CASD1: variants seen among roughly 807,000 people sequenced by gnomAD.
CASD1 encodes the protein CAS1 domain sialic acid O acetyltransferase 1, also known as N-acetylneuraminate (7)9-O-acetyltransferase.
A neutral mutation model predicts 100.0 loss-of-function variants in CASD1; 41 were observed. The ratio of observed to expected loss-of-function variants is 0.41; its 90% CI spans 0.32 to 0.53. CASD1 has a LOEUF of 0.53. CASD1 is among the 20% of genes least tolerant of loss of function. The probability of loss-of-function intolerance (pLI) is 0.25; values close to 1 mark genes in which losing one functional copy is unlikely to be tolerated. For synonymous variants in CASD1, 321 were observed against 315.6 expected (o/e 1.02, Z -0.18); for missense variants, 774 against 948.7 (o/e 0.82, Z 2.42).
At position 94,510,001 on chromosome 7, in the gene CASD1, C is replaced by A; in HGVS notation, c.-84C>A. The A allele has an allele frequency of 7.7e-7, 1 of 1,296,098 alleles. No homozygotes were observed. Among genetic ancestry groups the A allele is most frequent in the Non-Finnish European group, 9.9e-7 (1 of 1,008,860 alleles). The allele number at this position is 1,296,098 out of a possible 1,614,324, so 80.3% of individuals were successfully genotyped here. A position where few individuals can be genotyped will look rare whatever the true frequency, so the allele number is the denominator to read the frequency against. ...GAGCTGGCGGCCGCTCCTCGCCTGG[C>A]TGCAGCGGCGGCAGCCCCAGTGCTG... is the stretch of plus-strand genomic sequence containing the variant. On this transcript the variant is annotated 5_prime_UTR_variant, in exon 1 of 18. The change creates a new upstream start codon in the 5' untranslated region. Coordinates refer to ENST00000297273, the MANE Select transcript of CASD1 (RefSeq NM_022900.5).
chr7:94,587,583 A>T, the CASD1 span: 6 of 1,375,320 alleles, frequency 4.4e-6, no homozygotes, highest in Middle Eastern at 2.7e-4. Context: ...TCTTTAGGTG[A>T]CTCATTTTTA....
At chr7:94,597,063 G>A in the CASD1 span, among the ~76,000 whole-genome samples, 1 of 151,946 alleles carries the variant, frequency 6.6e-6, no homozygotes, top group African/African-American at 2.4e-5. Flanking sequence ...GGTAAACTGG[G>A]TTTTATGATG....
chr7:94,567,435 G>A, the CASD1 span, among the ~76,000 whole-genome samples: 4 of 152,160 alleles, frequency 2.6e-5, no homozygotes, highest in African/African-American at 7.2e-5. Flanking sequence ...ACATATTATT[G>A]AAACAAAAAT....
At chr7:94,617,442 A>G in the CASD1 span, 1 of 152,214 alleles carries the variant, frequency 6.6e-6, no homozygotes, top group Non-Finnish European at 1.5e-5. Flanking sequence ...ACAATTGTGG[A>G]ACACATTACC....
At chr7:94,605,148 C>G in the CASD1 span, among the ~76,000 whole-genome samples, 1 of 151,892 alleles carries the variant, frequency 6.6e-6, no homozygotes, top group African/African-American at 2.4e-5. Context: ...TTTGAAAAGA[C>G]TGAACAAGCA....
chr7:94,527,814 C>T (rs1396746570), intron 4 of CASD1, among the ~76,000 whole-genome samples: 1 of 152,102 alleles, frequency 6.6e-6, no homozygotes, highest in Non-Finnish European at 1.5e-5. Context: ...AGCAAGGGTA[C>T]AAGTGGCAGG....
chr7:94,549,820 G>GTA (rs940895265), intron 14 of CASD1, among the ~76,000 whole-genome samples, 186 bp downstream of exon 14: 18 of 151,974 alleles, frequency 1.2e-4, no homozygotes, highest in Admixed American at 5.3e-4. Context: ...GTATGCATGT[G>GTA]TATATATATA....
chr7:94,538,472 C>T (rs973676771), intron 9 of CASD1, among the ~76,000 whole-genome samples: 3 of 152,042 alleles, frequency 2.0e-5, no homozygotes, highest in African/African-American at 7.2e-5. Flanking sequence ...GTAAAACATA[C>T]CTCTCCTGTG....
the CASD1 span, chr7:94,600,988 C>G: frequency 1.3e-6 from 1 of 763,068 alleles, no homozygotes; most frequent in Non-Finnish European, 2.2e-6. Flanking sequence ...ACTTTATCAC[C>G]TCTTGAATTT....
At chr7:94,518,153 A>G (rs762539633) in intron 2 of CASD1, 50 bp from the exon 3 acceptor site, 11 of 1,462,552 alleles carry the variant, frequency 7.5e-6, no homozygotes, top group Middle Eastern at 1.9e-4. Flanking sequence ...TTGAAATGCC[A>G]GGATGGCTGA....
the CASD1 span, among the ~76,000 whole-genome samples, chr7:94,582,906 T>C: frequency 2.0e-5 from 3 of 152,244 alleles, no homozygotes; most frequent in Non-Finnish European, 4.4e-5. Context: ...TAGTAACATA[T>C]TAGGCATTCA....
the CASD1 span, chr7:94,624,391 A>T: frequency 2.5e-6 from 1 of 394,076 alleles, no homozygotes; most frequent in East Asian, 3.6e-5. Context: ...TTAGAACAGT[A>T]AGAATTTTGA....
At chr7:94,534,159 A>ATTTTTTTTTTTTTTTTTTTTTTTTTT (rs56864121) in intron 7 of CASD1, among the ~76,000 whole-genome samples, 1 of 100,538 alleles carries the variant, frequency 9.9e-6, no homozygotes, top group Non-Finnish European at 1.9e-5. Context: ...CTGTTTCATA[A>ATTTTTTTTTTTTTTTTTTTTTTTTTT]TTTTTTTTTT....
chr7:94,614,106 TCAAAAAAAAAA>T, the CASD1 span, among the ~76,000 whole-genome samples: 2 of 55,172 alleles, frequency 3.6e-5, no homozygotes, highest in South Asian at 1.4e-3. Flanking sequence ...CAAATTGAAA[TCAAAAAAAAAA>T]AAAAAAAAAA....
At chr7:94,572,232 G>C in the CASD1 span, among the ~76,000 whole-genome samples, 1 of 152,066 alleles carries the variant, frequency 6.6e-6, no homozygotes, top group Non-Finnish European at 1.5e-5. Context: ...CACCATGCCT[G>C]GCTAATAATT....
intron 4 of CASD1, among the ~76,000 whole-genome samples, chr7:94,527,969 T>C (rs1440631192): frequency 6.6e-6 from 1 of 152,192 alleles, no homozygotes; most frequent in Non-Finnish European, 1.5e-5. Context: ...AAAAGATTGC[T>C]CTGGCTAAAA....
the CASD1 span, chr7:94,600,908 T>C: frequency 1.0e-5 from 15 of 1,441,260 alleles, no homozygotes; most frequent in Non-Finnish European, 1.4e-5. Context: ...GCAAACATTA[T>C]GAGATTTTAA....
At chr7:94,586,965 A>T in the CASD1 span, 73 of 983,786 alleles carry the variant, frequency 7.4e-5, no homozygotes, top group Non-Finnish European at 8.8e-5. Flanking sequence ...ACTGTACTTT[A>T]GTCTATAATA....
chr7:94,558,340 A>G (rs1453155979), downstream of CASD1, among the ~76,000 whole-genome samples: 1 of 152,222 alleles, frequency 6.6e-6, no homozygotes, highest in African/African-American at 2.4e-5. Context: ...CATTGCAGAC[A>G]ATTCAGTGTT....
Sources: gnomAD v4.1 joint callset for allele counts (sites outside exome capture counted in the v4.1 genomes callset) on GRCh38, gnomAD v4.1.1 for gene constraint, MANE v1.5 for transcripts, NCBI Gene and HGNC (gene_info 2026-07-23, HGNC 2026-07-21) for gene names.